Variants in SLC6A17 observed in about 807,000 individuals in gnomAD.
SLC6A17 encodes solute carrier family 6 member 17, also known as sodium-dependent neutral amino acid transporter SLC6A17.
Under a neutral mutation model 64.5 loss-of-function variants are expected in SLC6A17, and 21 were observed. The observed-to-expected ratio is 0.33, with a 90% CI of 0.23 to 0.47. The LOEUF (loss-of-function observed/expected upper bound fraction) is 0.47. SLC6A17 is among the 20% of genes least tolerant of loss of function. SLC6A17 has a pLI of 1.00. For missense variants in SLC6A17, 682 were observed against 963.2 expected, an observed-to-expected ratio of 0.71 and a Z score of 3.86; for synonymous variants, 372 against 399.5, an observed-to-expected ratio of 0.93 and a Z score of 0.82.
rs1241436004 is a variant in SLC6A17, at chr1:110,195,756, C to T, written c.1652+11C>T. 1 of 1,613,992 alleles carries T rather than the reference C, an allele frequency of 6.2e-7. No individual in the cohort carries two copies. Among genetic ancestry groups the T allele is most frequent in the Non-Finnish European group, 8.5e-7 (1 of 1,179,908 alleles). ...TTATGGAACCAAGAAGTAAGAGGAACATGGGGGAAAGGTGGGATGGGAGGA... is the reference window on the plus strand; with the variant it reads ...TTATGGAACCAAGAAGTAAGAGGAATATGGGGGAAAGGTGGGATGGGAGGA... On this transcript the variant is annotated intron_variant, in intron 10 of 11. Transcript: ENST00000331565.
intron 3 of SLC6A17, 51 bp downstream of exon 3, chr1:110,172,268 T>C (rs1656262816): frequency 3.9e-6 from 6 of 1,530,240 alleles, no homozygotes; most frequent in Non-Finnish European, 5.3e-6. Flanking sequence ...GGGCTGCTCC[T>C]GGGCATTGGA....
At chr1:110,169,187 G>T (rs1394645990) in intron 2 of SLC6A17, among the ~76,000 whole-genome samples, 1 of 152,124 alleles carries the variant, frequency 6.6e-6, no homozygotes, top group East Asian at 1.9e-4. Context: ...CATAGTTCTG[G>T]ACAGAAACTC....
Position 110,174,042 on chromosome 1 carries a change from T to C in SLC6A17, c.514T>C (p.Phe172Leu). Residue 172 changes from phenylalanine to leucine, a missense_variant, in exon 4 of 12, where the codon TTC (phenylalanine) becomes CTC (leucine). Transcript: ENST00000331565. The part of the protein sequence containing the change: ...GWSIFYFFKS[F>L]QYPLPWSECP... ...GAGCATCTTCTATTTCTTCAAGTCCTTCCAGTACCCGCTGCCCTGGAGTGA... is the reference window on the plus strand; with the variant it reads ...GAGCATCTTCTATTTCTTCAAGTCCCTCCAGTACCCGCTGCCCTGGAGTGA... The C allele has an allele frequency of 1.9e-6, 3 of 1,614,190 alleles. No individual in the cohort carries two copies. In the East Asian group the frequency reaches 6.7e-5, roughly 36 times the overall value.
At chr1:110,155,056 C>A (rs937431998) in intron 1 of SLC6A17, among the ~76,000 whole-genome samples, 2 of 152,142 alleles carry the variant, frequency 1.3e-5, no homozygotes, top group African/African-American at 2.4e-5. Flanking sequence ...TCTGAAAAAT[C>A]GCCATCCCCA....
At position 110,174,809 on chromosome 1, in the gene SLC6A17, C is replaced by G. The variant is rs1298421543; in HGVS notation, c.602C>G (p.Ala201Gly). 3 of 1,614,060 alleles carry G rather than the reference C, an allele frequency of 1.9e-6. No individual in the cohort carries two copies. The highest frequency in any genetic ancestry group is 2.2e-5 in the East Asian group (1 of 44,898). The change falls in exon 5 of 12, where the codon GCC (alanine) becomes GGC (glycine). Residue 201 changes from alanine to glycine, a missense_variant. Transcript: ENST00000331565. ...GAGGCAGAGTGTGAAAAGAGCTCAG[C>G]CACTACCTACTTCTGGTACCGAGAG... is the stretch of plus-strand genomic sequence containing the variant. ...VVEAECEKSS[A>G]TTYFWYREAL...
intron 2 of SLC6A17, chr1:110,168,134 T>C (rs1252557877): frequency 2.7e-5 from 4 of 150,864 alleles, no homozygotes; most frequent in Admixed American, 2.6e-4. Context: ...AAACAAAGAG[T>C]TTTGCAAGCC....
chr1:110,172,213 G>C lies in SLC6A17; in HGVS notation c.440G>C (p.Cys147Ser). Residue 147 changes from cysteine (C) to serine (S), a missense_variant, in exon 3 of 12, where the codon TGC becomes TCC. Physicochemically the swap from Cys to Ser is moderately radical, Grantham distance 112. This residue lies in a region of SLC6A17 where 415 missense variants were observed against 603.8 expected (regional missense o/e 0.69). Coordinates refer to ENST00000331565, the MANE Select transcript of SLC6A17 (RefSeq NM_001010898.4). ...CTGGGGGGCATCGGCTTCTCCAGCTGCATAGTGAGTCAAGGGCTGGGGCAG... is the reference window on the plus strand; with the variant it reads ...CTGGGGGGCATCGGCTTCTCCAGCTCCATAGTGAGTCAAGGGCTGGGGCAG... ...PRLGGIGFSS[C>S]IVCLFVGLYY... is the part of the protein sequence containing the mutation. The C allele has an allele frequency of 6.3e-7, 1 of 1,584,450 alleles. No homozygotes were observed.
rs79143268 is a variant in SLC6A17 at position 110,174,904 on chromosome 1, G to A, written c.697G>A (p.Val233Met). 886 of 1,614,144 alleles carry A rather than the reference G, an allele frequency of 5.5e-4. 7 individuals carry two copies. The East Asian group carries it at 0.017, about 31-fold the overall frequency. ...CTGGAAGATGACCCTGTGCCTCCTC[G>A]TGGCCTGGAGCATCGTGGGGATGGC... ...LNWKMTLCLL[V>M]AWSIVGMAVV... The change falls in exon 5 of 12, where the codon GTG becomes ATG. Residue 233 changes from valine (V) to methionine (M), a missense_variant. Physicochemically the swap from Val to Met is conservative, Grantham distance 21. This residue lies in a region of SLC6A17 where 415 missense variants were observed against 603.8 expected (regional missense o/e 0.69). Coordinates refer to ENST00000331565, the MANE Select transcript of SLC6A17 (RefSeq NM_001010898.4).
At chr1:110,172,270 G>A (rs1656262934) in intron 3 of SLC6A17, 53 bp downstream of exon 3, 1 of 1,527,678 alleles carries the variant, frequency 6.5e-7, no homozygotes, top group Admixed American at 2.0e-5. Flanking sequence ...GCTGCTCCTG[G>A]GCATTGGAGA....
Position 110,198,411 on chromosome 1 carries a change from C to T in SLC6A17, c.2151C>T (p.Tyr717=). 1 of 1,612,956 alleles carries T rather than the reference C, an allele frequency of 6.2e-7. No individual in the cohort carries two copies. Among genetic ancestry groups the T allele is most frequent in the Non-Finnish European group, 8.5e-7 (1 of 1,179,712 alleles). The stretch of plus-strand genomic sequence containing the variant: ...CCAATGGACGCTATGGGAGCGGCTA[C>T]CTGCTGGCCAGCACCCCTGAGTCGG... The part of the protein sequence containing the change: ...GNPNGRYGSG[Y]LLASTPESEL Residue 717 remains tyrosine (Y), a synonymous_variant, in exon 12 of 12, where the codon TAC becomes TAT. Transcript: ENST00000331565.
intron 6 of SLC6A17, among the ~76,000 whole-genome samples, chr1:110,180,440 G>C (rs897849448): frequency 1.1e-4 from 17 of 152,316 alleles, no homozygotes; most frequent in African/African-American, 4.1e-4. Context: ...CCCCATGGTT[G>C]AGCTGAGCTG....
chr1:110,158,528 CT>C (rs1655818471), intron 1 of SLC6A17, among the ~76,000 whole-genome samples: 1 of 152,238 alleles, frequency 6.6e-6, no homozygotes, highest in South Asian at 2.1e-4. Flanking sequence ...TGGCATGCCC[CT>C]GAGGGCCTGG....
intron 1 of SLC6A17, among the ~76,000 whole-genome samples, chr1:110,165,170 G>A (rs192443818): frequency 1.3e-5 from 2 of 152,160 alleles, no homozygotes; most frequent in African/African-American, 2.4e-5. Flanking sequence ...AGAGGAGCTC[G>A]CCCTGGCAGC....
chr1:110,183,952 C>T (rs1286975549), intron 6 of SLC6A17, among the ~76,000 whole-genome samples: 1 of 151,890 alleles, frequency 6.6e-6, no homozygotes, highest in Non-Finnish European at 1.5e-5. Flanking sequence ...ACGAAGGGCC[C>T]CCTGGAGGCT....
At chr1:110,162,192 A>T (rs116175095) in intron 1 of SLC6A17, among the ~76,000 whole-genome samples, 1 of 152,138 alleles carries the variant, frequency 6.6e-6, no homozygotes, top group Non-Finnish European at 1.5e-5. Context: ...CCAGCTACTA[A>T]GGGGGGGATA....
At chr1:110,159,998 A>T (rs1655864961) in intron 1 of SLC6A17, among the ~76,000 whole-genome samples, 1 of 152,242 alleles carries the variant, frequency 6.6e-6, no homozygotes, top group Admixed American at 6.5e-5. Flanking sequence ...GAAATGGAAG[A>T]CCAAAACACA....
rs1004136333 is a variant in SLC6A17 at position 110,166,825 on chromosome 1, GC to G, written c.-87-17del. On this transcript the variant is annotated splice_polypyrimidine_tract_variant and intron_variant, in intron 1 of 11. Transcript: ENST00000331565. Reference sequence around the variant, plus strand: ...TGGTGTGGTCAGATAATCCTTTACTGCTCACCTGGTTTCCTAGGTCCCTGAA... The same window carrying G: ...TGGTGTGGTCAGATAATCCTTTACTGTCACCTGGTTTCCTAGGTCCCTGAA... 5.6e-6 allele frequency: 8 copies of G among 1,420,622 alleles called. No individual in the cohort carries two copies. The highest frequency in any genetic ancestry group is 7.5e-6 in the Non-Finnish European group (8 of 1,067,904). The allele number at this position is 1,420,622 out of a possible 1,614,324, so 88.0% of individuals were successfully genotyped here.
chr1:110,172,235 G>T lies in SLC6A17; in HGVS notation c.444+18G>T, dbSNP rs1236142757. The T allele has an allele frequency of 2.6e-6, 4 of 1,564,248 alleles. No individual in the cohort carries two copies. The highest frequency in any genetic ancestry group is 3.5e-6 in the Non-Finnish European group (4 of 1,157,116). On this transcript the variant is annotated intron_variant, in intron 3 of 11. Coordinates refer to ENST00000331565, the MANE Select transcript of SLC6A17 (RefSeq NM_001010898.4). ...GCTGCATAGTGAGTCAAGGGCTGGG[G>T]CAGGCACTGAGTGGGAGGCAGGGGG...
chr1:110,194,995 C>A, intron 9 of SLC6A17: 1 of 600,222 alleles, frequency 1.7e-6, no homozygotes, highest in Non-Finnish European at 2.9e-6. Flanking sequence ...GGGAGGCCTG[C>A]ATCTAGGCCC....
Sources: allele counts gnomAD v4.1 joint callset (sites outside exome capture counted in the v4.1 genomes callset), GRCh38; gene constraint gnomAD v4.1.1; regional missense constraint gnomAD v4.1.1; transcripts MANE v1.5; gene names NCBI Gene and HGNC (gene_info 2026-07-23, HGNC 2026-07-21).